The following XKR6 variants were observed in gnomAD, a reference collection of about 807,000 sequenced individuals.
The protein encoded by XKR6 is XK related 6.
In XKR6, 22 loss-of-function variants were observed where a neutral mutation model predicts 56.7. That is an observed-to-expected ratio of 0.39 (90% CI 0.28 to 0.55). XKR6 has a LOEUF of 0.55. Ranked by LOEUF, XKR6 falls within the 20% of genes least tolerant of loss-of-function variation. The pLI is 0.66. For missense variants in XKR6, 852 were observed against 889.0 expected, an observed-to-expected ratio of 0.96 and a Z score of 0.53; for synonymous variants, 524 against 387.8, an observed-to-expected ratio of 1.35 and a Z score of -4.13.
At chr8:11,102,757 C>T (rs1435254716) in intron 1 of XKR6, among the ~76,000 whole-genome samples, 7 of 152,194 alleles carry the variant, frequency 4.6e-5, no homozygotes, top group Non-Finnish European at 1.0e-4. Context: ...AGTTAATGTG[C>T]AGTGCTCAGC....
rs1392095616 is a variant in XKR6 at position 10,984,722 on chromosome 8, CTCTCTCTCTCTATA to C, written c.765-59906_765-59893del. On this transcript the variant is annotated intron_variant, in intron 1 of 2. Coordinates refer to ENST00000416569, the MANE Select transcript of XKR6 (RefSeq NM_173683.4). ...TCTCTCTCTCTCTCTCTCTCTCTCT[CTCTCTCTCTCTATA>C]TATATATATATATATATATATTTGA... is the stretch of plus-strand genomic sequence containing the variant. 2.1e-3 allele frequency among the ~76,000 whole-genome samples: 169 copies of C among 79,224 alleles called. 1 individual carries two copies. Among genetic ancestry groups the C allele is most frequent in the African/African-American group, 8.9e-3 (157 of 17,600 alleles). 52.0% of individuals were successfully genotyped at this position (79,224 alleles called of 152,430 possible).
rs988183717 is a variant in XKR6, at chr8:10,951,300, G to GT, written c.765-26471_765-26470insA. On this transcript the variant is annotated intron_variant, in intron 1 of 2. Coordinates refer to ENST00000416569, the MANE Select transcript of XKR6 (RefSeq NM_173683.4). ...GGATAGAAAAGTGTGTGTGTGTGTG[G>GT]GGGGGGGGGGCCCCCACAGTGGTGA... Among the ~76,000 whole-genome samples, 238 of 122,334 alleles carry GT rather than the reference G, an allele frequency of 1.9e-3. 5 individuals are homozygous for GT. The highest frequency in any genetic ancestry group is 9.0e-3 in the African/African-American group (214 of 23,824). The allele number at this position is 122,334 out of a possible 152,430, so 80.3% of individuals were successfully genotyped here.
chr8:11,169,016 G>C (rs913832504), intron 1 of XKR6, among the ~76,000 whole-genome samples: 2 of 152,074 alleles, frequency 1.3e-5, no homozygotes, highest in African/African-American at 2.4e-5. Flanking sequence ...CCTCTGACTG[G>C]TCCCAGGACA....
chr8:10,901,462 C>G (rs902856261), intron 2 of XKR6, among the ~76,000 whole-genome samples: 6 of 152,122 alleles, frequency 3.9e-5, no homozygotes, highest in Admixed American at 6.6e-5. Context: ...CATGAGTCAC[C>G]ACGCCTTGCT....
At chr8:11,183,442 G>A (rs1468059185) in intron 1 of XKR6, among the ~76,000 whole-genome samples, 1 of 151,376 alleles carries the variant, frequency 6.6e-6, no homozygotes, top group African/African-American at 2.4e-5. Flanking sequence ...CTCTCAAGTA[G>A]ATGGGACTAC....
At chr8:11,082,496 G>T (rs1326271413) in intron 1 of XKR6, among the ~76,000 whole-genome samples, 1 of 152,362 alleles carries the variant, frequency 6.6e-6, no homozygotes, top group East Asian at 1.9e-4. Context: ...GCCAGACCCA[G>T]CTTGCCTCTG....
intron 1 of XKR6, among the ~76,000 whole-genome samples, chr8:11,111,008 ATTTTTTTT>A (rs58233543): frequency 1.8e-5 from 2 of 114,218 alleles, no homozygotes; most frequent in Non-Finnish European, 3.6e-5. Context: ...GGCTTTTTCT[ATTTTTTTT>A]TTTTTTTTTT....
chr8:11,167,136 C>T (rs1563188853), intron 1 of XKR6, among the ~76,000 whole-genome samples: 1 of 152,138 alleles, frequency 6.6e-6, no homozygotes. Context: ...AGTGCCCATA[C>T]ACCTCCCTGC....
intron 1 of XKR6, among the ~76,000 whole-genome samples, chr8:11,156,239 G>C (rs1296085374): frequency 6.6e-6 from 1 of 152,128 alleles, no homozygotes; most frequent in African/African-American, 2.4e-5. Flanking sequence ...GCCTTTGTCG[G>C]TTTTTCTCCC....
intron 2 of XKR6, among the ~76,000 whole-genome samples, chr8:10,924,236 A>G (rs1330709475): frequency 6.6e-6 from 1 of 152,234 alleles, no homozygotes; most frequent in African/African-American, 2.4e-5. Flanking sequence ...GTGCTGCCCA[A>G]TATGACGGCC....
At chr8:11,055,279 G>T (rs914586707) in intron 1 of XKR6, among the ~76,000 whole-genome samples, 1 of 152,114 alleles carries the variant, frequency 6.6e-6, no homozygotes, top group Non-Finnish European at 1.5e-5. Context: ...CATGGAGGCT[G>T]CAGGCAGGCC....
chr8:11,022,576 C>T (rs1019736420), intron 1 of XKR6, among the ~76,000 whole-genome samples: 9 of 152,148 alleles, frequency 5.9e-5, no homozygotes, highest in African/African-American at 1.9e-4. Context: ...ATGGGTGAAG[C>T]GGGCGGCAGG....
intron 1 of XKR6, among the ~76,000 whole-genome samples, chr8:10,952,939 GTA>G (rs1801769853): frequency 1.3e-5 from 2 of 152,132 alleles, no homozygotes; most frequent in South Asian, 4.2e-4. Context: ...CCACAGGACT[GTA>G]AACCCTGTTG....
At chr8:10,938,367 C>G (rs1030725581) in intron 1 of XKR6, among the ~76,000 whole-genome samples, 2 of 152,218 alleles carry the variant, frequency 1.3e-5, no homozygotes, top group African/African-American at 2.4e-5. Flanking sequence ...TCTTCTGCAT[C>G]GCTCACGCTG....
chr8:11,083,381 C>A (rs552911160), intron 1 of XKR6, among the ~76,000 whole-genome samples: 4 of 152,288 alleles, frequency 2.6e-5, no homozygotes, highest in South Asian at 2.1e-4. Context: ...GGATGCACAA[C>A]CTGAAAGGCA....
At chr8:10,913,243 C>A (rs898025167) in intron 2 of XKR6, among the ~76,000 whole-genome samples, 1 of 151,956 alleles carries the variant, frequency 6.6e-6, no homozygotes, top group African/African-American at 2.4e-5. Flanking sequence ...CCTGCCTCCA[C>A]TAAAATGTAA....
At chr8:10,943,244 G>C (rs1586334168) in intron 1 of XKR6, among the ~76,000 whole-genome samples, 3 of 152,210 alleles carry the variant, frequency 2.0e-5, no homozygotes, top group Non-Finnish European at 4.4e-5. Context: ...AGACAGGACA[G>C]GGTACAGCCT....
At chr8:10,938,457 C>A (rs1172922496) in intron 1 of XKR6, among the ~76,000 whole-genome samples, 1 of 152,222 alleles carries the variant, frequency 6.6e-6, no homozygotes, top group African/African-American at 2.4e-5. Flanking sequence ...TGCCTACTAT[C>A]CTTCCGCAGG....
rs1803674634 is a variant in XKR6 at position 11,193,159 on chromosome 8, C to G, written c.764+7417G>C. Among the ~76,000 whole-genome samples, 11 of 152,272 alleles carry G rather than the reference C, an allele frequency of 7.2e-5. No individual in the cohort carries two copies. In the South Asian group the frequency reaches 2.3e-3, roughly 32 times the overall value. ...TGTAGCTCTCTGTGAAATGAATACT[C>G]TAATTTCTTCCTAGAAATGAATGAT... On this transcript the variant is annotated intron_variant, in intron 1 of 2. Coordinates refer to ENST00000416569, the MANE Select transcript of XKR6 (RefSeq NM_173683.4).
Sources: allele counts gnomAD v4.1 joint callset (sites outside exome capture counted in the v4.1 genomes callset), GRCh38; gene constraint gnomAD v4.1.1; transcripts MANE v1.5; gene names NCBI Gene and HGNC (gene_info 2026-07-23, HGNC 2026-07-21).